The following SPTB variants were observed in gnomAD, a reference collection of about 807,000 sequenced individuals.
The protein encoded by SPTB is spectrin beta chain, erythrocytic.
A neutral mutation model predicts 256.2 loss-of-function variants in SPTB; 45 were observed. The observed-to-expected ratio is 0.18, with a 90% CI of 0.14 to 0.23. SPTB has a LOEUF of 0.23. Among genes scored for constraint, SPTB ranks in the 10% least tolerant of loss-of-function variants. The probability of loss-of-function intolerance (pLI) is 1.00; values close to 1 mark genes in which losing one functional copy is unlikely to be tolerated. For missense variants in SPTB, 2,715 were observed against 3,040.4 expected, an observed-to-expected ratio of 0.89 and a Z score of 2.52; for synonymous variants, 1,231 against 1,243.1, an observed-to-expected ratio of 0.99 and a Z score of 0.21.
Position 64,779,274 on chromosome 14 carries a change from C to A in SPTB, c.4474-28G>T. The A allele has an allele frequency of 6.3e-7, 1 of 1,595,608 alleles. No individual in the cohort carries two copies. The highest frequency in any genetic ancestry group is 8.6e-7 in the Non-Finnish European group (1 of 1,165,442). ...GCAGAGACCAGGAGGCAGGAGAGAGCTGATGACAATCACGGCCAACCTTTC... is the reference window on the plus strand; with the variant it reads ...GCAGAGACCAGGAGGCAGGAGAGAGATGATGACAATCACGGCCAACCTTTC... On this transcript the variant is annotated intron_variant, in intron 21 of 35. Transcript: ENST00000644917. The surrounding 1 kb of genome is among the most constrained non-coding windows in gnomAD (Gnocchi z 4.2).
rs1200471479 is a variant in SPTB at position 64,852,257 on chromosome 14, C to A, written c.-52+27535G>T. On this transcript the variant is annotated intron_variant, in intron 1 of 35. Transcript: ENST00000644917. This position sits in a 1 kb window ranked among gnomAD's most constrained non-coding sequence, Gnocchi z 4.2. ...GGGGTGATGGAGAAGTGGAGCCAGG[C>A]ACAACAGGGAAGTAAGAGGAAAGCA... is the stretch of plus-strand genomic sequence containing the variant. Among the ~76,000 whole-genome samples, 2 of 151,820 alleles carry A rather than the reference C, an allele frequency of 1.3e-5. No homozygotes were observed. Among genetic ancestry groups the A allele is most frequent in the East Asian group, 3.9e-4 (2 of 5,176 alleles).
At position 64,873,947 on chromosome 14, in the gene SPTB, T is replaced by C. The variant is rs1488607471; in HGVS notation, c.-52+5845A>G. Reference sequence around the variant, plus strand: ...AGACAAAGGCATGCTGAAAATTGAGTGGACTATAGTTATCTGTGATCATCA... The same window carrying C: ...AGACAAAGGCATGCTGAAAATTGAGCGGACTATAGTTATCTGTGATCATCA... On this transcript the variant is annotated intron_variant, in intron 1 of 35. Transcript: ENST00000644917. This position sits in a 1 kb window ranked among gnomAD's most constrained non-coding sequence, Gnocchi z 4.3. Among the ~76,000 whole-genome samples, 1 of 151,910 alleles carries C rather than the reference T, an allele frequency of 6.6e-6. No individual in the cohort carries two copies. The highest frequency in any genetic ancestry group is 2.4e-5 in the African/African-American group (1 of 41,342).
intron 1 of SPTB, among the ~76,000 whole-genome samples, chr14:64,830,055 C>A (rs974433483): frequency 1.2e-4 from 19 of 152,316 alleles, no homozygotes; most frequent in African/African-American, 4.3e-4. Context: ...TCCCTGGTCA[C>A]CCTCTCTAAG....
intron 2 of SPTB, among the ~76,000 whole-genome samples, chr14:64,810,804 T>C (rs1278880375): frequency 2.0e-5 from 3 of 152,194 alleles, no homozygotes; most frequent in Non-Finnish European, 4.4e-5. Flanking sequence ...AAATTGAAAG[T>C]TCAACTACAT....
intron 2 of SPTB, among the ~76,000 whole-genome samples, chr14:64,813,248 T>C (rs760357769): frequency 1.3e-5 from 2 of 152,208 alleles, no homozygotes; most frequent in Non-Finnish European, 2.9e-5. Context: ...CCCTGGGGAC[T>C]AATAGATGAA....
intron 2 of SPTB, among the ~76,000 whole-genome samples, chr14:64,813,647 C>T (rs1427171308): frequency 6.6e-6 from 1 of 152,192 alleles, no homozygotes; most frequent in Non-Finnish European, 1.5e-5. Flanking sequence ...TCAGCCTCCC[C>T]AGGTAGCTGG....
At chr14:64,766,624 C>T (rs773003174) in intron 32 of SPTB, 102 bp downstream of exon 32, 13 of 1,610,442 alleles carry the variant, frequency 8.1e-6, no homozygotes, top group South Asian at 3.3e-5. Context: ...GGCGGGGCTG[C>T]GCCAGCTCAT....
At chr14:64,842,902 T>C (rs1430223875) in intron 1 of SPTB, among the ~76,000 whole-genome samples, 2 of 152,040 alleles carry the variant, frequency 1.3e-5, no homozygotes, top group Non-Finnish European at 2.9e-5. Flanking sequence ...ACCCTGTCTC[T>C]ATAAAAAATA....
chr14:64,764,026 A>G lies in SPTB; in HGVS notation c.6345+2700T>C, dbSNP rs2082131128. Among the ~76,000 whole-genome samples, 1 of 152,202 alleles carries G rather than the reference A, an allele frequency of 6.6e-6. No homozygotes were observed. The highest frequency in any genetic ancestry group is 1.5e-5 in the Non-Finnish European group (1 of 68,034). On this transcript the variant is annotated intron_variant, in intron 32 of 35. Transcript: ENST00000644917. This position sits in a 1 kb window ranked among gnomAD's most constrained non-coding sequence, Gnocchi z 4.2. Reference sequence around the variant, plus strand: ...CAGCAGGAAGCCGACATGCACAGTGAGGGATTGTACATGAAGCAACACCGC... The same window carrying G: ...CAGCAGGAAGCCGACATGCACAGTGGGGGATTGTACATGAAGCAACACCGC...
At chr14:64,787,210 C>T (rs550016911) in intron 15 of SPTB, 50 bp from the exon 16 acceptor site, 3 of 1,597,246 alleles carry the variant, frequency 1.9e-6, no homozygotes, top group Admixed American at 1.7e-5. Context: ...TCTCCCTTAG[C>T]TCTTCTTCCC....
At position 64,753,740 on chromosome 14, in the gene SPTB, A is replaced by ACCC. The variant is rs145280081; in HGVS notation, c.6396_6398dup (p.Gly2133dup). ...TGGATTTCTGCCCATCCTTGTGCTGACCCGGCGGTGGTGGCTGCTGCAGGT... is the reference window on the plus strand; with the variant it reads ...TGGATTTCTGCCCATCCTTGTGCTGACCCCCCGGCGGTGGTGGCTGCTGCAGGT... On this transcript the variant is annotated inframe_insertion, in exon 33 of 36. Coordinates refer to ENST00000644917, the MANE Select transcript of SPTB (RefSeq NM_001355436.2). The ACCC allele has an allele frequency of 1.1e-4, 177 of 1,613,552 alleles. No homozygotes were observed. In the African/African-American group the frequency reaches 2.2e-3, roughly 20 times the overall value.
rs714924 is a variant in SPTB, at chr14:64,831,803, C to T, written c.-51-8658G>A. ...GAATGAACACGTGGAGGGCACATGG[C>T]AATGCTGGAGGATCATAGAAACAGT... On this transcript the variant is annotated intron_variant, in intron 1 of 35. Transcript: ENST00000644917. 2.9e-3 allele frequency among the ~76,000 whole-genome samples: 448 copies of T among 152,262 alleles called. 1 individual carries two copies. Among genetic ancestry groups the T allele is most frequent in the African/African-American group, 6.3e-3 (260 of 41,544 alleles).
chr14:64,770,309 T>C (rs576844649), intron 27 of SPTB, among the ~76,000 whole-genome samples: 11 of 152,324 alleles, frequency 7.2e-5, no homozygotes, highest in South Asian at 6.2e-4. Context: ...AAGTGTGGTA[T>C]GTGAATTATA....
rs1341344944 is a variant in SPTB at position 64,800,657 on chromosome 14, C to T, written c.876+99G>A. The stretch of plus-strand genomic sequence containing the variant: ...TAGAGGAAGTTGGGGGGTGGGTGAG[C>T]TGTACTCTTCACCCTTTCTTTGGTT... On this transcript the variant is annotated intron_variant, in intron 8 of 35. Coordinates refer to ENST00000644917, the MANE Select transcript of SPTB (RefSeq NM_001355436.2). 3 of 1,036,824 alleles carry T rather than the reference C, an allele frequency of 2.9e-6. No homozygotes were observed. The East Asian group carries it at 7.4e-5, about 26-fold the overall frequency. 64.2% of individuals were successfully genotyped at this position (1,036,824 alleles called of 1,614,324 possible).
In SPTB at chr14:64,806,302, G is replaced by T. The variant is rs1382838890; in HGVS notation, c.149-1212C>A. On this transcript the variant is annotated intron_variant, in intron 2 of 35. Coordinates refer to ENST00000644917, the MANE Select transcript of SPTB (RefSeq NM_001355436.2). The surrounding 1 kb of genome is among the most constrained non-coding windows in gnomAD (Gnocchi z 4.1). ...TAGCTTCTGGGCACTTAGGTTTGAAGATTCAGGGAAGGAGGTGACTTGGCA... is the reference window on the plus strand; with the variant it reads ...TAGCTTCTGGGCACTTAGGTTTGAATATTCAGGGAAGGAGGTGACTTGGCA... Among the ~76,000 whole-genome samples the T allele has an allele frequency of 1.3e-5, 2 of 152,204 alleles. No homozygotes were observed. The highest frequency in any genetic ancestry group is 2.9e-5 in the Non-Finnish European group (2 of 68,040).
intron 20 of SPTB, among the ~76,000 whole-genome samples, chr14:64,780,527 C>A (rs531355028): frequency 1.3e-5 from 2 of 152,328 alleles, no homozygotes; most frequent in South Asian, 4.1e-4. Context: ...GATTCTCCTG[C>A]CTCAGCCTCC....
chr14:64,797,671 T>C (rs2082802270), intron 10 of SPTB, 58 bp downstream of exon 10: 5 of 1,291,662 alleles, frequency 3.9e-6, no homozygotes, highest in South Asian at 2.4e-5. Context: ...ATTCACTGTG[T>C]CCTTATCGGG....
intron 1 of SPTB, among the ~76,000 whole-genome samples, chr14:64,858,832 G>T (rs987863551): frequency 8.5e-5 from 13 of 152,110 alleles, no homozygotes; most frequent in African/African-American, 2.9e-4. Context: ...CAGTAAAAAT[G>T]GCCTCATTTT....
In SPTB at chr14:64,759,012, G is replaced by A. The variant is rs536006022; in HGVS notation, c.6346-5219C>T. On this transcript the variant is annotated intron_variant, in intron 32 of 35. Transcript: ENST00000644917. The surrounding 1 kb of genome is among the most constrained non-coding windows in gnomAD (Gnocchi z 4.8). Reference sequence around the variant, plus strand: ...TAGATGAAGCTGATGTGAGAAAAGAGATTCTCAGAATTCTAGAGCTGGAAA... The same window carrying A: ...TAGATGAAGCTGATGTGAGAAAAGAAATTCTCAGAATTCTAGAGCTGGAAA... Among the ~76,000 whole-genome samples the A allele has an allele frequency of 6.6e-6, 1 of 152,276 alleles. No homozygotes were observed. The highest frequency in any genetic ancestry group is 1.5e-5 in the Non-Finnish European group (1 of 68,022).
Sources: gnomAD v4.1 joint callset for allele counts (sites outside exome capture counted in the v4.1 genomes callset) on GRCh38, gnomAD v4.1.1 for gene constraint, Gnocchi (gnomAD v3.1) non-coding constraint, MANE v1.5 for transcripts, NCBI Gene and HGNC (gene_info 2026-07-23, HGNC 2026-07-21) for gene names.